The following GRID2 variants were observed in gnomAD, a reference collection of about 807,000 sequenced individuals.
The protein encoded by GRID2 is glutamate ionotropic receptor delta type subunit 2.
In GRID2, 33 loss-of-function variants were observed where a neutral mutation model predicts 114.8. That is an observed-to-expected ratio of 0.29 (90% CI 0.22 to 0.38). The LOEUF is 0.38. GRID2 is among the 10% of genes least tolerant of loss of function. The pLI is 1.00. For missense variants in GRID2, 1,184 were observed against 1,257.7 expected, an observed-to-expected ratio of 0.94 and a Z score of 0.89; for synonymous variants, 505 against 449.9, an observed-to-expected ratio of 1.12 and a Z score of -1.55.
chr4:93,700,678 T>C (rs1407741137), intron 14 of GRID2, among the ~76,000 whole-genome samples: 1 of 152,170 alleles, frequency 6.6e-6, no homozygotes, highest in African/African-American at 2.4e-5. Context: ...GTTCAGCACA[T>C]CATCTAAGGA....
intron 4 of GRID2, among the ~76,000 whole-genome samples, chr4:93,196,641 C>T (rs1579258942): frequency 6.6e-6 from 1 of 152,102 alleles, no homozygotes; most frequent in Non-Finnish European, 1.5e-5. Context: ...TACTACCAAG[C>T]TACACAAAGA....
chr4:92,398,291 C>CTAT (rs765676727), intron 1 of GRID2, among the ~76,000 whole-genome samples: 37 of 152,016 alleles, frequency 2.4e-4, no homozygotes, highest in African/African-American at 8.0e-4. Context: ...TATTATTTCA[C>CTAT]TATTATTATT....
At chr4:92,554,288 C>T (rs1726744457) in intron 1 of GRID2, among the ~76,000 whole-genome samples, 1 of 152,018 alleles carries the variant, frequency 6.6e-6, no homozygotes, top group African/African-American at 2.4e-5. Context: ...AAGAAAGAAA[C>T]AGAGAAATCG....
chr4:92,842,056 C>A (rs918702528), intron 2 of GRID2, among the ~76,000 whole-genome samples: 1 of 152,012 alleles, frequency 6.6e-6, no homozygotes, highest in African/African-American at 2.4e-5. Context: ...TAGGAAAAAT[C>A]TAGGTGTCAT....
chr4:93,366,547 T>TCTTGTGATCTTGCCCTGCCTCCGCTTGC, intron 8 of GRID2, among the ~76,000 whole-genome samples: 1 of 152,086 alleles, frequency 6.6e-6, no homozygotes, highest in African/African-American at 2.4e-5. Flanking sequence ...GGTCCTGTGG[T>TCTTGTGATCTTGCCCTGCCTCCGCTTGC]CTTGTGATCT....
At chr4:92,700,185 G>T (rs1372080787) in intron 2 of GRID2, among the ~76,000 whole-genome samples, 3 of 152,118 alleles carry the variant, frequency 2.0e-5, no homozygotes, top group Non-Finnish European at 4.4e-5. Context: ...TGGGAAAGTG[G>T]TCTGTCTCAG....
chr4:92,966,189 A>G (rs1486139981), intron 2 of GRID2, among the ~76,000 whole-genome samples: 1 of 151,944 alleles, frequency 6.6e-6, no homozygotes, highest in Non-Finnish European at 1.5e-5. Context: ...TCAAAAGTCC[A>G]TTATTTAGTT....
chr4:93,709,297 C>G (rs1418858977), intron 14 of GRID2, among the ~76,000 whole-genome samples: 2 of 152,224 alleles, frequency 1.3e-5, no homozygotes, highest in Non-Finnish European at 2.9e-5. Context: ...AATTCCTTGG[C>G]TTTTATTTCT....
Position 93,659,683 on chromosome 4 carries a change from A to T in GRID2, c.2360+33248A>T, listed in dbSNP as rs892216162. Among the ~76,000 whole-genome samples the T allele has an allele frequency of 4.6e-5, 7 of 152,284 alleles. 1 individual carries two copies. The Middle Eastern group carries it at 0.01, about 222-fold the overall frequency. ...GACATCAGGAAGAAGAGATATAATG[A>T]AAGTTTAATAGGCAGATTGCAGACC... On this transcript the variant is annotated intron_variant, in intron 14 of 15. Coordinates refer to ENST00000282020, the MANE Select transcript of GRID2 (RefSeq NM_001510.4).
intron 3 of GRID2, among the ~76,000 whole-genome samples, chr4:93,094,483 A>G (rs1731037873): frequency 6.6e-6 from 1 of 152,024 alleles, no homozygotes; most frequent in African/African-American, 2.4e-5. Flanking sequence ...TTCTCTCTGC[A>G]TAGTTATAAT....
At chr4:92,314,095 T>TTTTTTCTTTTTC in intron 1 of GRID2, among the ~76,000 whole-genome samples, 1 of 152,102 alleles carries the variant, frequency 6.6e-6, no homozygotes, top group Non-Finnish European at 1.5e-5. Flanking sequence ...AAATCTGTTT[T>TTTTTTCTTTTTC]TTTTTCTTTT....
Position 93,428,650 on chromosome 4 carries a change from G to A in GRID2, c.1545+5682G>A, listed in dbSNP as rs375727182. Among the ~76,000 whole-genome samples the A allele has an allele frequency of 1.2e-4, 18 of 151,850 alleles. No individual in the cohort carries two copies. In the East Asian group the frequency reaches 2.3e-3, roughly 20 times the overall value. Reference sequence around the variant, plus strand: ...AATTACAATTGTGTGAGGGTGGGGCGGAATATAAATATAGTTCAAGCATAA... The same window carrying A: ...AATTACAATTGTGTGAGGGTGGGGCAGAATATAAATATAGTTCAAGCATAA... On this transcript the variant is annotated intron_variant, in intron 10 of 15. Transcript: ENST00000282020.
At chr4:93,139,530 C>T (rs141875868) in intron 4 of GRID2, among the ~76,000 whole-genome samples, 130 of 152,200 alleles carry the variant, frequency 8.5e-4, no homozygotes, top group Non-Finnish European at 1.6e-3. Context: ...TAGAAACTTC[C>T]TCCTTTGCTT....
chr4:93,074,062 A>T (rs188672843), intron 2 of GRID2, among the ~76,000 whole-genome samples: 7 of 152,314 alleles, frequency 4.6e-5, no homozygotes, highest in Non-Finnish European at 8.8e-5. Flanking sequence ...AAAAAGAAAC[A>T]CTGAGGAAAA....
chr4:92,485,301 C>CATATATATAT (rs34583484), intron 1 of GRID2, among the ~76,000 whole-genome samples: 24 of 56,562 alleles, frequency 4.2e-4, no homozygotes, highest in African/African-American at 7.1e-4. Context: ...AAGGTGTGTG[C>CATATATATAT]ATATATATAT....
At position 92,640,713 on chromosome 4, in the gene GRID2, T is replaced by C. The variant is rs1471007567; in HGVS notation, c.244+50427T>C. Among the ~76,000 whole-genome samples the C allele has an allele frequency of 3.3e-5, 5 of 151,894 alleles. No homozygotes were observed. In the Admixed American group the frequency reaches 3.3e-4, roughly 10 times the overall value. ...AAGAAAAAGAGTTAAGATTTTTCTG[T>C]CCCAGCACTTTTTGAATCTAAGTCC... On this transcript the variant is annotated intron_variant, in intron 2 of 15. Coordinates refer to ENST00000282020, the MANE Select transcript of GRID2 (RefSeq NM_001510.4).
At chr4:92,469,486 G>C (rs1721915291) in intron 1 of GRID2, among the ~76,000 whole-genome samples, 1 of 151,990 alleles carries the variant, frequency 6.6e-6, no homozygotes, top group Non-Finnish European at 1.5e-5. Context: ...CTAAATCAAT[G>C]TAAATGCTAT....
rs1748359657 is a variant in GRID2 at position 92,911,278 on chromosome 4, A to G, written c.245-173717A>G. Among the ~76,000 whole-genome samples the G allele has an allele frequency of 2.0e-5, 3 of 152,050 alleles. No individual in the cohort carries two copies. In the South Asian group the frequency reaches 6.2e-4, roughly 31 times the overall value. ...AGTATTCATTTATAATAAAAATGGT[A>G]TATTTTCAAAAGGACCATACATTTC... On this transcript the variant is annotated intron_variant, in intron 2 of 15. Transcript: ENST00000282020.
chr4:92,340,747 T>G (rs1023819720), intron 1 of GRID2, among the ~76,000 whole-genome samples: 4 of 152,244 alleles, frequency 2.6e-5, no homozygotes, highest in Non-Finnish European at 5.9e-5. Context: ...TGCATTGCAA[T>G]TACTTATTCA....
Sources: allele counts gnomAD v4.1 joint callset (sites outside exome capture counted in the v4.1 genomes callset), GRCh38; gene constraint gnomAD v4.1.1; transcripts MANE v1.5; gene names NCBI Gene and HGNC (gene_info 2026-07-23, HGNC 2026-07-21).